Variants in ROBO2 observed in about 807,000 individuals in gnomAD.
ROBO2 encodes roundabout guidance receptor 2.
In ROBO2, 53 loss-of-function variants were observed where a neutral mutation model predicts 160.8. The ratio of observed to expected loss-of-function variants is 0.33; its 90% CI spans 0.26 to 0.41. The LOEUF (loss-of-function observed/expected upper bound fraction) is 0.41, where lower values mean the gene tolerates loss of function less well. ROBO2 is among the 10% of genes least tolerant of loss of function. The pLI is 1.00. For missense variants in ROBO2, 1,577 were observed against 1,722.4 expected, an observed-to-expected ratio of 0.92 and a Z score of 1.49; for synonymous variants, 664 against 611.7, an observed-to-expected ratio of 1.09 and a Z score of -1.26.
At chr3:76,566,321 G>C (rs772218030) in intron 2 of ROBO2, among the ~76,000 whole-genome samples, 3 of 152,200 alleles carry the variant, frequency 2.0e-5, no homozygotes, top group Non-Finnish European at 2.9e-5. Flanking sequence ...GGGCTGTGAA[G>C]AGAGCACATG....
chr3:75,939,107 GGGTTGCTGAAACAA>G (rs1947924362), intron 2 of ROBO2, among the ~76,000 whole-genome samples: 4 of 151,810 alleles, frequency 2.6e-5, no homozygotes, highest in African/African-American at 9.7e-5. Flanking sequence ...GTATGACACA[GGGTTGCTGAAACAA>G]GAATATGTAG....
exon 2 of ROBO2, chr3:77,098,112 G>A (rs930208969): frequency 2.4e-5 from 39 of 1,614,150 alleles, no homozygotes; most frequent in Non-Finnish European, 3.3e-5. Context: ...GAACTGCAAG[G>A]CGGAGGGCCG....
chr3:77,627,088 C>CT (rs1287003592), intron 23 of ROBO2, among the ~76,000 whole-genome samples: 1 of 152,122 alleles, frequency 6.6e-6, no homozygotes, highest in Non-Finnish European at 1.5e-5. Context: ...TCTTAGACTA[C>CT]TTTTACAGGT....
rs9827988 is a variant in ROBO2, at chr3:76,064,492, G to T, written c.109+126890G>T. ...AGTTCCACTCTCATTAGAGAATTATGGTTTGGTCCTCTGATGACCAAATTT... is the reference window on the plus strand; with the variant it reads ...AGTTCCACTCTCATTAGAGAATTATTGTTTGGTCCTCTGATGACCAAATTT... On this transcript the variant is annotated intron_variant, in intron 2 of 26. Coordinates refer to the ROBO2 transcript ENST00000487694. 7.4e-3 allele frequency among the ~76,000 whole-genome samples: 1,132 copies of T among 152,116 alleles called. 21 individuals carry two copies. Among genetic ancestry groups the T allele is most frequent in the African/African-American group, 0.026 (1,058 of 41,486 alleles).
intron 2 of ROBO2, among the ~76,000 whole-genome samples, chr3:76,965,779 G>A (rs2059247481): frequency 1.3e-5 from 1 of 76,538 alleles, no homozygotes; most frequent in African/African-American, 7.8e-5. Context: ...TATTTATTGT[G>A]TTTGTGTATA....
chr3:76,057,032 C>A (rs925024326), intron 2 of ROBO2, among the ~76,000 whole-genome samples: 4 of 152,066 alleles, frequency 2.6e-5, no homozygotes, highest in African/African-American at 9.7e-5. Flanking sequence ...CTTTGGATTT[C>A]CTCAAATTTT....
intron 2 of ROBO2, among the ~76,000 whole-genome samples, chr3:76,803,767 T>C (rs2064440922): frequency 6.6e-6 from 1 of 152,154 alleles, no homozygotes; most frequent in African/African-American, 2.4e-5. Flanking sequence ...CTAAAACAAA[T>C]TTATATAAGT....
intron 2 of ROBO2, among the ~76,000 whole-genome samples, chr3:76,889,984 G>A (rs1384098060): frequency 6.6e-6 from 1 of 152,160 alleles, no homozygotes; most frequent in Non-Finnish European, 1.5e-5. Context: ...CGATGTAGGA[G>A]TAGAGAGGGA....
intron 1 of ROBO2, among the ~76,000 whole-genome samples, chr3:75,926,266 T>C (rs1947287889): frequency 6.6e-6 from 1 of 152,180 alleles, no homozygotes; most frequent in African/African-American, 2.4e-5. Context: ...AGCTTTTAAG[T>C]TCAGGGGTAC....
At chr3:77,609,122 T>C (rs2094578692) in intron 21 of ROBO2, among the ~76,000 whole-genome samples, 1 of 151,934 alleles carries the variant, frequency 6.6e-6, no homozygotes, top group African/African-American at 2.4e-5. Flanking sequence ...GAATATTTTT[T>C]GTCTATGTCT....
intron 24 of ROBO2, among the ~76,000 whole-genome samples, chr3:77,637,110 T>C (rs531296184): frequency 6.6e-6 from 1 of 152,340 alleles, no homozygotes; most frequent in South Asian, 2.1e-4. Context: ...TGGAAAGCTC[T>C]TAAAATATAC....
intron 2 of ROBO2, among the ~76,000 whole-genome samples, chr3:76,000,298 A>C (rs915072482): frequency 6.6e-6 from 1 of 152,092 alleles, no homozygotes; most frequent in Non-Finnish European, 1.5e-5. Flanking sequence ...TGAGGTTTGT[A>C]TACTTAAGTT....
chr3:76,924,654 CAT>C (rs1398040571), intron 2 of ROBO2, among the ~76,000 whole-genome samples: 1 of 152,204 alleles, frequency 6.6e-6, no homozygotes, highest in Non-Finnish European at 1.5e-5. Flanking sequence ...TCTCCCAGTG[CAT>C]ATATATCACA....
chr3:76,442,376 G>A (rs904191476), intron 2 of ROBO2, among the ~76,000 whole-genome samples: 5 of 152,094 alleles, frequency 3.3e-5, no homozygotes, highest in Admixed American at 1.3e-4. Context: ...TTCTTCAGAC[G>A]TTTCTAGTTT....
chr3:76,873,948 G>A (rs1056767379), intron 2 of ROBO2, among the ~76,000 whole-genome samples: 1 of 152,056 alleles, frequency 6.6e-6, no homozygotes, highest in African/African-American at 2.4e-5. Flanking sequence ...CTGTGGCCTT[G>A]AAATAGAAAA....
chr3:76,831,204 T>C (rs1246320921), intron 2 of ROBO2, among the ~76,000 whole-genome samples: 1 of 152,142 alleles, frequency 6.6e-6, no homozygotes, highest in East Asian at 1.9e-4. Flanking sequence ...GTCAAAAATA[T>C]CCTGATGGGT....
chr3:76,152,280 G>A lies in ROBO2; in HGVS notation c.109+214678G>A, dbSNP rs117617120. On this transcript the variant is annotated intron_variant, in intron 2 of 26. Coordinates refer to the ROBO2 transcript ENST00000487694. The stretch of plus-strand genomic sequence containing the variant: ...CATTTCATTAACTTGTGGGTTATAA[G>A]TTAATTTAGGGGGAAAATGCTATTA... 4.3e-3 allele frequency among the ~76,000 whole-genome samples: 650 copies of A among 152,200 alleles called. 11 individuals carry two copies. The highest frequency in any genetic ancestry group is 0.033 in the East Asian group (170 of 5,160).
At chr3:76,859,116 A>G (rs2148600493) in intron 2 of ROBO2, among the ~76,000 whole-genome samples, 1 of 152,350 alleles carries the variant, frequency 6.6e-6, no homozygotes, top group Admixed American at 6.5e-5. Context: ...CATAAACATG[A>G]GAGTTGATTT....
chr3:76,180,089 A>G (rs962629628), intron 2 of ROBO2, among the ~76,000 whole-genome samples: 5 of 152,108 alleles, frequency 3.3e-5, no homozygotes, highest in Admixed American at 1.3e-4. Context: ...ATAAATTTCT[A>G]TCCTTCAAGA....
Sources: allele counts gnomAD v4.1 joint callset (sites outside exome capture counted in the v4.1 genomes callset), GRCh38; gene constraint gnomAD v4.1.1; transcripts MANE v1.5; gene names NCBI Gene and HGNC (gene_info 2026-07-23, HGNC 2026-07-21).